RFC5: variants seen among roughly 807,000 people sequenced by gnomAD.
RFC5 encodes the protein A1 36 kDa subunit.
RFC5 carries 26 observed loss-of-function variants against 44.3 expected under a neutral mutation model. The observed-to-expected ratio is 0.59, with a 90% CI of 0.43 to 0.81. The LOEUF (loss-of-function observed/expected upper bound fraction) is 0.81. Among genes scored for constraint, RFC5 ranks in the 40% least tolerant of loss-of-function variants. The pLI, the probability that RFC5 is intolerant of heterozygous loss-of-function variation, is 0.00. For synonymous variants in RFC5, 155 were observed against 155.2 expected (o/e 1.00, Z 0.01); for missense variants, 328 against 418.6 (o/e 0.78, Z 1.89).
chr12:118,023,866 G>C (rs2030725811), intron 5 of RFC5, among the ~76,000 whole-genome samples: 1 of 152,118 alleles, frequency 6.6e-6, no homozygotes, highest in Non-Finnish European at 1.5e-5. Context: ...CATGGCAAAT[G>C]GTAAAAAGGA....
At chr12:118,036,645 C>G, downstream of RFC5, 1 of 916,110 alleles carries the variant, frequency 1.1e-6, no homozygotes, top group South Asian at 1.8e-5. Context: ...TTCTACAGCT[C>G]TTCCAGAACG....
intron 5 of RFC5, among the ~76,000 whole-genome samples, chr12:118,024,137 C>T (rs185605115): frequency 1.3e-3 from 205 of 152,016 alleles, no homozygotes; most frequent in Non-Finnish European, 2.0e-3. Context: ...GTCAGGAGAT[C>T]GAGACCATCC....
chr12:118,025,603 C>G, intron 6 of RFC5, 144 bp from the exon 7 acceptor site: 1 of 585,014 alleles, frequency 1.7e-6, no homozygotes, highest in Non-Finnish European at 3.1e-6. Flanking sequence ...AATTCTAGAT[C>G]ATATAGATCA....
intron 1 of RFC5, among the ~76,000 whole-genome samples, chr12:118,017,163 A>C (rs552696875): frequency 7.6e-4 from 115 of 152,278 alleles, no homozygotes; most frequent in Admixed American, 4.2e-3. Context: ...TGGTGACAGC[A>C]CAGGGGTTCG....
rs187461538 is a variant in RFC5 at position 118,023,132 on chromosome 12, T to C, written c.421+773T>C. Among the ~76,000 whole-genome samples, 753 of 152,054 alleles carry C rather than the reference T, an allele frequency of 5.0e-3. 2 individuals are homozygous for C. The highest frequency in any genetic ancestry group is 0.01 in the Admixed American group (155 of 15,272). The stretch of plus-strand genomic sequence containing the variant: ...ACTAATGGTACCCTTTGAACCACAA[T>C]GGCTAGGAAAAGCATATCTGAAGTT... On this transcript the variant is annotated intron_variant, in intron 5 of 10. Transcript: ENST00000454402.
At chr12:118,024,153 A>T (rs1334158886) in intron 5 of RFC5, among the ~76,000 whole-genome samples, 3 of 151,992 alleles carry the variant, frequency 2.0e-5, no homozygotes, top group Non-Finnish European at 1.5e-5. Flanking sequence ...CATCCTGGCT[A>T]ACATGGTGAA....
At chr12:118,026,000 G>A (rs1035560439) in intron 7 of RFC5, among the ~76,000 whole-genome samples, 172 bp downstream of exon 7, 1 of 151,758 alleles carries the variant, frequency 6.6e-6, no homozygotes, top group Non-Finnish European at 1.5e-5. Context: ...CCGCCACCAC[G>A]CCCTACTAAT....
chr12:118,034,981 C>T, downstream of RFC5: 1 of 1,613,932 alleles, frequency 6.2e-7, no homozygotes. Flanking sequence ...CTAACAAATA[C>T]ATACCCTGTG....
At chr12:118,029,521 G>T (rs1476606774) in intron 9 of RFC5, among the ~76,000 whole-genome samples, 1 of 152,188 alleles carries the variant, frequency 6.6e-6, no homozygotes, top group African/African-American at 2.4e-5. Context: ...GTGATCTTTG[G>T]TGCTCTTAGG....
intron 6 of RFC5, chr12:118,025,240 C>G (rs2030855183): frequency 4.3e-6 from 2 of 459,796 alleles, no homozygotes; most frequent in Non-Finnish European, 3.9e-6. Context: ...TCCTCCTCCC[C>G]TGGAAGCTGT....
chr12:118,023,585 C>T (rs1431590957), intron 5 of RFC5, among the ~76,000 whole-genome samples: 1 of 152,062 alleles, frequency 6.6e-6, no homozygotes, highest in African/African-American at 2.4e-5. Flanking sequence ...GCATCTTGTT[C>T]TGCCGAGTGA....
chr12:118,032,710 A>AT (rs35499134), downstream of RFC5: 6 of 146,362 alleles, frequency 4.1e-5, no homozygotes, highest in African/African-American at 1.6e-4. Flanking sequence ...TTATTTATTT[A>AT]TTTTTTAAAT....
chr12:118,021,136 G>A, intron 4 of RFC5, 151 bp downstream of exon 4: 2 of 572,106 alleles, frequency 3.5e-6, no homozygotes, highest in Non-Finnish European at 6.2e-6. Context: ...TAAACGAGAG[G>A]GATGGTAGTA....
chr12:118,016,741 C>G lies in RFC5; in HGVS notation c.-87C>G. 1 of 1,122,968 alleles carries G rather than the reference C, an allele frequency of 8.9e-7. No homozygotes were observed. Among genetic ancestry groups the G allele is most frequent in the Non-Finnish European group, 1.3e-6 (1 of 758,186 alleles). The allele number at this position is 1,122,968 out of a possible 1,614,324, so 69.6% of individuals were successfully genotyped here. A position where few individuals can be genotyped will look rare whatever the true frequency, so the allele number is the denominator to read the frequency against. ...GCGCGCGAACTGTAAGTGCCAGGGTCTCAGGGTCAGGTCGCGGCTGGTCAC... is the reference window on the plus strand; with the variant it reads ...GCGCGCGAACTGTAAGTGCCAGGGTGTCAGGGTCAGGTCGCGGCTGGTCAC... On this transcript the variant is annotated 5_prime_UTR_variant, in exon 1 of 11. Transcript: ENST00000454402.
intron 5 of RFC5, among the ~76,000 whole-genome samples, chr12:118,022,909 G>A (rs2030614753): frequency 6.6e-6 from 1 of 152,190 alleles, no homozygotes; most frequent in Admixed American, 6.5e-5. Context: ...TCTGTAGCGG[G>A]ACTTCCCCTT....
At chr12:118,025,601 A>G (rs1156341807) in intron 6 of RFC5, 146 bp from the exon 7 acceptor site, 1 of 582,568 alleles carries the variant, frequency 1.7e-6, no homozygotes, top group Non-Finnish European at 3.1e-6. Context: ...TGAATTCTAG[A>G]TCATATAGAT....
At chr12:118,031,075 C>G in intron 10 of RFC5, 107 bp from the exon 11 acceptor site, 1 of 702,710 alleles carries the variant, frequency 1.4e-6, no homozygotes, top group Non-Finnish European at 2.5e-6. Context: ...TATCAATTCC[C>G]ATCCCCACTC....
At chr12:118,029,660 G>A in intron 9 of RFC5, 111 bp from the exon 10 acceptor site, 1 of 792,594 alleles carries the variant, frequency 1.3e-6, no homozygotes, top group Non-Finnish European at 2.3e-6. Flanking sequence ...GCAGGCTGAG[G>A]CCTCAGGACT....
At chr12:118,040,558 C>G in the RFC5 span, among the ~76,000 whole-genome samples, 1 of 151,128 alleles carries the variant, frequency 6.6e-6, no homozygotes, top group African/African-American at 2.4e-5. Flanking sequence ...GTCAGGAGTG[C>G]AAGACCAGCC....
Sources: allele counts gnomAD v4.1 joint callset (sites outside exome capture counted in the v4.1 genomes callset), GRCh38; gene constraint gnomAD v4.1.1; transcripts MANE v1.5; gene names NCBI Gene and HGNC (gene_info 2026-07-23, HGNC 2026-07-21).